OR1J2: variants seen among roughly 807,000 people sequenced by gnomAD.
OR1J2 encodes the protein olfactory receptor family 1 subfamily J member 2, also known as olfactory receptor 1J2.
For synonymous variants in OR1J2, 142 were observed against 99.7 expected (o/e 1.42, Z -2.52); for missense variants, 304 against 246.1 (o/e 1.24, Z -1.57).
the OR1J2 span, among the ~76,000 whole-genome samples, chr9:122,571,118 A>G: frequency 2.0e-5 from 3 of 152,208 alleles, no homozygotes; most frequent in African/African-American, 7.2e-5. Context: ...CAAATACACA[A>G]CTGACAAACT....
At chr9:122,497,009 C>T in the OR1J2 span, among the ~76,000 whole-genome samples, 1 of 152,064 alleles carries the variant, frequency 6.6e-6, no homozygotes, top group South Asian at 2.1e-4. Context: ...AGCATGCATC[C>T]TAAAGGCCAG....
the OR1J2 span, among the ~76,000 whole-genome samples, chr9:122,545,910 C>G: frequency 1.7e-5 from 2 of 116,812 alleles, no homozygotes; most frequent in Non-Finnish European, 3.5e-5. Flanking sequence ...GAATTAGCAG[C>G]AAAAGAATGA....
the OR1J2 span, among the ~76,000 whole-genome samples, chr9:122,576,273 G>A: frequency 2.6e-5 from 4 of 151,954 alleles, no homozygotes; most frequent in Non-Finnish European, 4.4e-5. Flanking sequence ...CCAGACTGGA[G>A]TGCAGTGGCA....
At chr9:122,556,986 G>A in the OR1J2 span, among the ~76,000 whole-genome samples, 1 of 152,040 alleles carries the variant, frequency 6.6e-6, no homozygotes. Context: ...CTAACAAATT[G>A]GGGGCTGCTA....
chr9:122,509,620 A>T (rs1271567479), upstream of OR1J2, among the ~76,000 whole-genome samples: 2 of 152,236 alleles, frequency 1.3e-5, no homozygotes, highest in Non-Finnish European at 2.9e-5. Context: ...ATGACGTTAA[A>T]TGGAAATGTG....
chr9:122,485,960 G>GTT, the OR1J2 span, among the ~76,000 whole-genome samples: 14,656 of 138,552 alleles, frequency 0.11, 938 homozygotes, highest in South Asian at 0.16. Context: ...TCCCACATAA[G>GTT]TTTTTTTTTT....
the OR1J2 span, among the ~76,000 whole-genome samples, chr9:122,565,124 C>G: frequency 2.6e-5 from 4 of 152,186 alleles, no homozygotes; most frequent in African/African-American, 9.7e-5. Flanking sequence ...TCTGGCCCCT[C>G]TTACACCCAA....
the OR1J2 span, chr9:122,476,861 A>G: frequency 3.3e-6 from 2 of 614,716 alleles, no homozygotes; most frequent in Non-Finnish European, 5.7e-6. Flanking sequence ...ATGCACCACC[A>G]TGCCCGGCTA....
chr9:122,549,547 G>A, the OR1J2 span, among the ~76,000 whole-genome samples: 1 of 152,074 alleles, frequency 6.6e-6, no homozygotes, highest in African/African-American at 2.4e-5. Flanking sequence ...TATATGGTGA[G>A]AAATATGGGT....
chr9:122,578,807 A>G, the OR1J2 span, among the ~76,000 whole-genome samples: 1 of 152,134 alleles, frequency 6.6e-6, no homozygotes, highest in South Asian at 2.1e-4. Context: ...GACTCGGGAA[A>G]GGGTAGGAGA....
At chr9:122,569,606 A>G in the OR1J2 span, among the ~76,000 whole-genome samples, 1 of 83,042 alleles carries the variant, frequency 1.2e-5, no homozygotes, top group African/African-American at 4.7e-5. Flanking sequence ...TTTGGCTACC[A>G]TAAAATCTCT....
the OR1J2 span, among the ~76,000 whole-genome samples, chr9:122,471,074 G>A: frequency 6.6e-6 from 1 of 152,174 alleles, no homozygotes; most frequent in South Asian, 2.1e-4. Flanking sequence ...GGGGACTGTA[G>A]GGAAGACATG....
At position 122,511,583 on chromosome 9, in the gene OR1J2, T is replaced by A. The variant is rs1399195603; in HGVS notation, c.782T>A (p.Phe261Tyr). 2.4e-5 allele frequency: 19 copies of A among 781,026 alleles called. No individual in the cohort carries two copies. The East Asian group carries it at 4.6e-4, about 19-fold the overall frequency. The allele number at this position is 781,026 out of a possible 1,614,324, so 48.4% of individuals were successfully genotyped here. ...YYGSIFGQYL[F>Y]PTVSSSIDKD... ...GGGTCAATATTTGGCCAGTACCTTT[T>A]CCCGACTGTAAGCAGTTCTATTGAC... Residue 261 changes from phenylalanine to tyrosine, a missense_variant, in exon 1 of 1, where the codon TTC becomes TAC. By Grantham distance (22) the Phe-to-Tyr change is conservative. Transcript: ENST00000335302.
the OR1J2 span, among the ~76,000 whole-genome samples, chr9:122,503,695 C>T: frequency 6.6e-6 from 1 of 152,192 alleles, no homozygotes; most frequent in Non-Finnish European, 1.5e-5. Context: ...AATACTCTAT[C>T]TCTGAACTTC....
At chr9:122,477,298 G>A in the OR1J2 span, 7 of 1,614,052 alleles carry the variant, frequency 4.3e-6, no homozygotes, top group African/African-American at 8.0e-5. Flanking sequence ...GCACAGGAAT[G>A]GAAGCATAAT....
chr9:122,471,747 T>C, the OR1J2 span, among the ~76,000 whole-genome samples: 35 of 152,294 alleles, frequency 2.3e-4, no homozygotes, highest in African/African-American at 6.7e-4. Context: ...ATTTCTATCA[T>C]GGCCCAGCTA....
the OR1J2 span, chr9:122,567,042 A>G: frequency 6.6e-6 from 1 of 152,262 alleles, no homozygotes; most frequent in East Asian, 1.9e-4. Flanking sequence ...TTTAAGCAAT[A>G]AAACATTTTT....
the OR1J2 span, among the ~76,000 whole-genome samples, chr9:122,530,911 G>T: frequency 6.6e-6 from 1 of 152,170 alleles, no homozygotes; most frequent in Non-Finnish European, 1.5e-5. Context: ...TTTTGTGGTG[G>T]AATATCATCA....
the OR1J2 span, among the ~76,000 whole-genome samples, chr9:122,470,141 A>T: frequency 6.6e-6 from 1 of 152,232 alleles, no homozygotes; most frequent in Non-Finnish European, 1.5e-5. Flanking sequence ...TCTCCAGGGC[A>T]TGTCAGAGAC....
Sources: gnomAD v4.1 joint callset for allele counts (sites outside exome capture counted in the v4.1 genomes callset) on GRCh38, gnomAD v4.1.1 for gene constraint, MANE v1.5 for transcripts, NCBI Gene and HGNC (gene_info 2026-07-23, HGNC 2026-07-21) for gene names.